The following ZFHX3 variants were observed in gnomAD, a reference collection of about 807,000 sequenced individuals.
ZFHX3 encodes the protein zinc finger homeobox 3.
ZFHX3 carries 42 observed loss-of-function variants against 279.1 expected under a neutral mutation model. That is an observed-to-expected ratio of 0.15 (90% CI 0.12 to 0.19). The LOEUF (loss-of-function observed/expected upper bound fraction) is 0.19, where lower values mean the gene tolerates loss of function less well. Among genes scored for constraint, ZFHX3 ranks in the 10% least tolerant of loss-of-function variants. The pLI, the probability that ZFHX3 is intolerant of heterozygous loss-of-function variation, is 1.00. For missense variants in ZFHX3, 4,981 were observed against 4,754.0 expected (o/e 1.05, Z -1.40); for synonymous variants, 2,293 against 1,957.8 (o/e 1.17, Z -4.52).
At chr16:73,034,683 A>T (rs1964836421) in intron 1 of ZFHX3, among the ~76,000 whole-genome samples, 1 of 152,220 alleles carries the variant, frequency 6.6e-6, no homozygotes, top group African/African-American at 2.4e-5. Flanking sequence ...ACACACTAGC[A>T]CTCACAGGAA....
chr16:72,786,448 A>ACTT lies in ZFHX3; in HGVS notation c.*713_*715dup, dbSNP rs1410343588. ...TTTTTTTTGAAAGTGGGAGTGCTTA[A>ACTT]CTTTTCCCCTTGAAATTGGCTTCAG... On this transcript the variant is annotated 3_prime_UTR_variant, in exon 10 of 10. Coordinates refer to ENST00000268489, the MANE Select transcript of ZFHX3 (RefSeq NM_006885.4). 1 of 150,420 alleles carries ACTT rather than the reference A, an allele frequency of 6.6e-6. No individual in the cohort carries two copies. Among genetic ancestry groups the ACTT allele is most frequent in the African/African-American group, 2.4e-5 (1 of 40,882 alleles). The allele number at this position is 150,420 out of a possible 1,614,324, so 9.3% of individuals were successfully genotyped here.
intron 4 of ZFHX3, among the ~76,000 whole-genome samples, chr16:72,884,873 C>G (rs1183907741): frequency 6.6e-6 from 1 of 152,194 alleles, no homozygotes; most frequent in African/African-American, 2.4e-5. Context: ...AGCTCTGGCC[C>G]AGTGCATTGG....
intron 4 of ZFHX3, among the ~76,000 whole-genome samples, chr16:73,296,259 A>G (rs2014907331): frequency 6.6e-6 from 1 of 152,260 alleles, no homozygotes; most frequent in Admixed American, 6.5e-5. Context: ...ATTTAAAAAC[A>G]TCACTACAAG....
chr16:72,800,227 G>T, intron 7 of ZFHX3, 98 bp from the exon 8 acceptor site: 2 of 985,764 alleles, frequency 2.0e-6, no homozygotes, highest in Non-Finnish European at 3.1e-6. Flanking sequence ...GCCTTCACCA[G>T]TGTAAAGCTA....
chr16:73,012,841 T>C (rs1172093267), intron 1 of ZFHX3, among the ~76,000 whole-genome samples: 4 of 152,182 alleles, frequency 2.6e-5, no homozygotes, highest in African/African-American at 9.7e-5. Flanking sequence ...CAACTCTAAT[T>C]TAATCCAAAA....
chr16:73,771,801 G>A lies in ZFHX3; in HGVS notation c.-1607-91561C>T, dbSNP rs189794113. ...ACTAATGGCTACAATATTTTTTCTC[G>A]CTTCACTTTAGGCCATGGCTCCTGG... On this transcript the variant is annotated intron_variant, in intron 1 of 17. Transcript: ENST00000641206. Among the ~76,000 whole-genome samples the A allele has an allele frequency of 1.8e-4, 26 of 142,944 alleles. No homozygotes were observed. The South Asian group carries it at 2.2e-3, about 12-fold the overall frequency. The allele number at this position is 142,944 out of a possible 152,430, so 93.8% of individuals were successfully genotyped here.
At chr16:73,532,700 T>C (rs780974188) in intron 2 of ZFHX3, among the ~76,000 whole-genome samples, 2 of 152,184 alleles carry the variant, frequency 1.3e-5, no homozygotes, top group Non-Finnish European at 2.9e-5. Context: ...ATAATTGTAC[T>C]CACCTGATAT....
At chr16:72,862,468 A>G (rs1030714132) in intron 4 of ZFHX3, among the ~76,000 whole-genome samples, 1 of 152,262 alleles carries the variant, frequency 6.6e-6, no homozygotes, top group Non-Finnish European at 1.5e-5. Flanking sequence ...CTTGATAAGG[A>G]GTAGCCCAGC....
chr16:73,507,564 T>A (rs1412834203), intron 2 of ZFHX3, among the ~76,000 whole-genome samples: 1 of 144,224 alleles, frequency 6.9e-6, no homozygotes, highest in Non-Finnish European at 1.5e-5. Flanking sequence ...GGTGCAGTCA[T>A]GGCTCACTGC....
intron 4 of ZFHX3, among the ~76,000 whole-genome samples, chr16:72,849,106 T>A (rs1461982253): frequency 6.6e-6 from 1 of 152,144 alleles, no homozygotes; most frequent in South Asian, 2.1e-4. Flanking sequence ...CACTCACTCA[T>A]GGTTCCCAGA....
intron 1 of ZFHX3, among the ~76,000 whole-genome samples, chr16:72,990,992 T>TA (rs567600620): frequency 0.049 from 6,550 of 134,676 alleles, 295 homozygotes; most frequent in African/African-American, 0.13. Context: ...AAAATAAAAT[T>TA]AAAAAAAAAA....
intron 4 of ZFHX3, among the ~76,000 whole-genome samples, chr16:72,852,389 C>T (rs535293403): frequency 2.0e-4 from 30 of 152,290 alleles, no homozygotes; most frequent in Middle Eastern, 3.4e-3. Flanking sequence ...AAAAGTGGAG[C>T]GCACTCCTCA....
rs574423466 is a variant in ZFHX3 at position 73,767,839 on chromosome 16, A to T, written c.-1607-87599T>A. On this transcript the variant is annotated intron_variant, in intron 1 of 17. Transcript: ENST00000641206. Reference sequence around the variant, plus strand: ...ATAGTAGTACCCATTTGTACCAGTCAGAGCCCCAGCAGGAAGCAGATGGCA... The same window carrying T: ...ATAGTAGTACCCATTTGTACCAGTCTGAGCCCCAGCAGGAAGCAGATGGCA... Among the ~76,000 whole-genome samples the T allele has an allele frequency of 2.6e-5, 4 of 152,318 alleles. No individual in the cohort carries two copies. In the East Asian group the frequency reaches 7.7e-4, roughly 29 times the overall value.
At position 73,834,664 on chromosome 16, in the gene ZFHX3, G is replaced by A. The variant is rs181309437; in HGVS notation, c.-1608+56987C>T. On this transcript the variant is annotated intron_variant, in intron 1 of 17. Coordinates refer to the ZFHX3 transcript ENST00000641206. Reference sequence around the variant, plus strand: ...TCCCAGCATTTTGGGAGGCCCAGGCGGGCAGATCATGAGGTCAAGAGATCA... The same window carrying A: ...TCCCAGCATTTTGGGAGGCCCAGGCAGGCAGATCATGAGGTCAAGAGATCA... Among the ~76,000 whole-genome samples the A allele has an allele frequency of 1.6e-3, 245 of 152,272 alleles. 3 individuals are homozygous for A. The highest frequency in any genetic ancestry group is 5.6e-3 in the African/African-American group (232 of 41,560).
chr16:72,870,140 C>A (rs1397208220), intron 4 of ZFHX3, among the ~76,000 whole-genome samples: 2 of 152,232 alleles, frequency 1.3e-5, no homozygotes, highest in Middle Eastern at 3.4e-3. Context: ...AGATGTAATC[C>A]CAGCACTTTG....
At chr16:72,893,708 G>C (rs2038826299) in intron 3 of ZFHX3, among the ~76,000 whole-genome samples, 1 of 152,210 alleles carries the variant, frequency 6.6e-6, no homozygotes, top group East Asian at 1.9e-4. Flanking sequence ...AAAAGAATAA[G>C]AGGAAACAAG....
intron 2 of ZFHX3, among the ~76,000 whole-genome samples, chr16:73,538,702 C>A (rs1197996711): frequency 6.6e-6 from 1 of 152,142 alleles, no homozygotes; most frequent in East Asian, 1.9e-4. Context: ...ACAGCGGAGA[C>A]ATGAGAGTTT....
At chr16:73,865,404 G>A (rs946249545) in intron 1 of ZFHX3, among the ~76,000 whole-genome samples, 6 of 152,172 alleles carry the variant, frequency 3.9e-5, no homozygotes, top group African/African-American at 1.4e-4. Context: ...TGGGGCCGGT[G>A]TGGGGTGGGC....
intron 3 of ZFHX3, among the ~76,000 whole-genome samples, chr16:73,333,394 A>G (rs1380719519): frequency 6.6e-6 from 1 of 152,220 alleles, no homozygotes; most frequent in Non-Finnish European, 1.5e-5. Context: ...ACATACATAC[A>G]TAGACACACA....
Sources: gnomAD v4.1 joint callset for allele counts (sites outside exome capture counted in the v4.1 genomes callset) on GRCh38, gnomAD v4.1.1 for gene constraint, MANE v1.5 for transcripts, NCBI Gene and HGNC (gene_info 2026-07-23, HGNC 2026-07-21) for gene names.